The following CACNA1H variants were observed in gnomAD, a reference collection of about 807,000 sequenced individuals.
CACNA1H encodes calcium voltage-gated channel subunit alpha1 H, also known as voltage-dependent T-type calcium channel subunit alpha-1H.
Under a neutral mutation model 192.5 loss-of-function variants are expected in CACNA1H, and 149 were observed. The ratio of observed to expected loss-of-function variants is 0.77; its 90% confidence interval spans 0.68 to 0.89. CACNA1H has a LOEUF of 0.89. Among genes scored for constraint, CACNA1H ranks in the 40% least tolerant of loss-of-function variants. CACNA1H has a pLI of 0.00. For synonymous variants in CACNA1H, 2,202 were observed against 1,475.2 expected (o/e 1.49, Z -11.29); for missense variants, 4,257 against 3,423.5 (o/e 1.24, Z -6.08).
At chr16:1,174,322 A>G (rs1964654325) in intron 2 of CACNA1H, among the ~76,000 whole-genome samples, 2 of 152,088 alleles carry the variant, frequency 1.3e-5, no homozygotes, top group South Asian at 4.2e-4. Context: ...CCTTGGTGGG[A>G]GCTAGACCCC....
chr16:1,182,717 G>A (rs1407948580), intron 2 of CACNA1H, among the ~76,000 whole-genome samples: 2 of 152,158 alleles, frequency 1.3e-5, no homozygotes, highest in Admixed American at 1.3e-4. Flanking sequence ...GCTGGGAGAG[G>A]CCAGGGTTGA....
At chr16:1,215,150 G>T (rs1398835481) in intron 28 of CACNA1H, 69 bp downstream of exon 28, 1 of 1,580,898 alleles carries the variant, frequency 6.3e-7, no homozygotes, top group Non-Finnish European at 8.6e-7. Flanking sequence ...GGCAGGTGAG[G>T]CCGCAGGCTT....
chr16:1,176,479 A>G (rs528702254), intron 2 of CACNA1H, among the ~76,000 whole-genome samples: 9 of 152,328 alleles, frequency 5.9e-5, no homozygotes, highest in Non-Finnish European at 1.0e-4. Flanking sequence ...GCAGGTGGGC[A>G]TGGCAATGAC....
chr16:1,212,281 C>T (rs1969543595), intron 25 of CACNA1H, 143 bp downstream of exon 25: 1 of 1,314,826 alleles, frequency 7.6e-7, no homozygotes, highest in South Asian at 1.5e-5. Context: ...GGGGGCTGGG[C>T]CTTGGAGGGG....
chr16:1,186,136 G>A lies in CACNA1H; in HGVS notation c.300-8836G>A, dbSNP rs1245584900. Among the ~76,000 whole-genome samples, 2 of 146,672 alleles carry A rather than the reference G, an allele frequency of 1.4e-5. 1 individual carries two copies. The highest frequency in any genetic ancestry group is 3.0e-5 in the Non-Finnish European group (2 of 65,988). On this transcript the variant is annotated intron_variant, in intron 2 of 34. Transcript: ENST00000348261. Reference sequence around the variant, plus strand: ...TAGGGGCCGGAGGCGGGGTGTGTACGGGGCGGGTGACTAGACGGTCGGCGT... The same window carrying A: ...TAGGGGCCGGAGGCGGGGTGTGTACAGGGCGGGTGACTAGACGGTCGGCGT...
intron 11 of CACNA1H, among the ~76,000 whole-genome samples, 158 bp downstream of exon 11, chr16:1,205,423 C>T (rs1000002590): frequency 6.6e-6 from 1 of 152,122 alleles, no homozygotes; most frequent in African/African-American, 2.4e-5. Context: ...CCCCAGTGGC[C>T]CAAGGGACCG....
intron 2 of CACNA1H, among the ~76,000 whole-genome samples, chr16:1,192,053 CTG>C (rs1429276142): frequency 6.6e-6 from 1 of 152,224 alleles, no homozygotes; most frequent in African/African-American, 2.4e-5. Context: ...TGGTCTTCTG[CTG>C]TGTGTGTGAT....
intron 2 of CACNA1H, among the ~76,000 whole-genome samples, chr16:1,184,947 G>A (rs1965836230): frequency 6.6e-6 from 1 of 152,144 alleles, no homozygotes; most frequent in East Asian, 1.9e-4. Context: ...AAGCGCACGG[G>A]TTAGCGACCT....
chr16:1,176,219 G>T (rs867289227), intron 2 of CACNA1H, among the ~76,000 whole-genome samples: 3 of 152,206 alleles, frequency 2.0e-5, no homozygotes, highest in South Asian at 2.1e-4. Flanking sequence ...GTTTGTGCTG[G>T]AGCTGCCCTG....
At chr16:1,171,590 C>T (rs1002591298) in intron 2 of CACNA1H, among the ~76,000 whole-genome samples, 1 of 152,228 alleles carries the variant, frequency 6.6e-6, no homozygotes, top group African/African-American at 2.4e-5. Context: ...CCAGAGGCGC[C>T]TCAGGCGGCT....
At position 1,209,085 on chromosome 16, in the gene CACNA1H, C is replaced by G. The variant is rs1244033672; in HGVS notation, c.3417C>G (p.Ser1139Arg). The G allele has an allele frequency of 6.5e-7, 1 of 1,544,212 alleles. No individual in the cohort carries two copies. Among genetic ancestry groups the G allele is most frequent in the East Asian group, 2.4e-5 (1 of 41,542 alleles). Residue 1139 changes from serine to arginine, a missense_variant, in exon 17 of 35, where the codon AGC becomes AGG. Coordinates refer to ENST00000348261, the MANE Select transcript of CACNA1H (RefSeq NM_021098.3). ...CCTGGGGCCCCAGTGGCGCCTGGAG[C>G]AGCCGGCGCTCCAGCTGGAGCAGCC... is the stretch of plus-strand genomic sequence containing the variant. ...CAPWGPSGAW[S>R]SRRSSWSSLG...
chr16:1,204,658 T>A (rs986233538), intron 10 of CACNA1H, among the ~76,000 whole-genome samples, 200 bp downstream of exon 10: 2 of 152,026 alleles, frequency 1.3e-5, no homozygotes, highest in African/African-American at 2.4e-5. Flanking sequence ...ATTCCTGGCC[T>A]CCTCTCTAGA....
rs1039737101 is a variant in CACNA1H at position 1,158,271 on chromosome 16, CAG to C, written c.299+4236_299+4237del. On this transcript the variant is annotated intron_variant, in intron 2 of 34. Coordinates refer to ENST00000348261, the MANE Select transcript of CACNA1H (RefSeq NM_021098.3). ...CTGAGACTGGGAGCGTTGCAGGGCT[CAG>C]GGGGAGGGGCCTTCCCACTCACCAA... 7.2e-5 allele frequency among the ~76,000 whole-genome samples: 11 copies of C among 152,250 alleles called. No individual in the cohort carries two copies. In the East Asian group the frequency reaches 1.7e-3, roughly 24 times the overall value.
intron 2 of CACNA1H, among the ~76,000 whole-genome samples, chr16:1,154,688 G>A (rs532070088): frequency 3.9e-4 from 60 of 152,300 alleles, no homozygotes; most frequent in Non-Finnish European, 7.4e-4. Context: ...CACTGCCAAG[G>A]GGGAGTCTCA....
intron 6 of CACNA1H, chr16:1,199,018 A>G (rs1287655829): frequency 4.7e-5 from 21 of 449,488 alleles, no homozygotes; most frequent in Admixed American, 1.7e-4. Flanking sequence ...GTCGCTGCAC[A>G]TATGCCCCAC....
At position 1,218,242 on chromosome 16, in the gene CACNA1H, G is replaced by T; in HGVS notation, c.5478G>T (p.Lys1826Asn). 6.4e-7 allele frequency: 1 copy of T among 1,550,494 alleles called. No individual in the cohort carries two copies. Among genetic ancestry groups the T allele is most frequent in the Non-Finnish European group, 8.7e-7 (1 of 1,147,128 alleles). ...TGCGCGAGTGCTCCCGTGAGGACAA[G>T]CACTGCCTGAGCTACCTGCCGGCCC... The part of the protein sequence containing the change: ...DTLRECSRED[K>N]HCLSYLPALS... Residue 1826 changes from lysine (K) to asparagine (N), a missense_variant, in exon 33 of 35, where the codon AAG (lysine) becomes AAT (asparagine). Coordinates refer to ENST00000348261, the MANE Select transcript of CACNA1H (RefSeq NM_021098.3).
At chr16:1,171,747 G>A (rs984846879) in intron 2 of CACNA1H, among the ~76,000 whole-genome samples, 2 of 152,076 alleles carry the variant, frequency 1.3e-5, no homozygotes, top group African/African-American at 4.8e-5. Context: ...GGAGCTCTGG[G>A]CAGCCTCCCA....
chr16:1,210,474 A>G lies in CACNA1H; in HGVS notation c.3950A>G (p.Asp1317Gly), dbSNP rs1249879718. 11 of 1,611,994 alleles carry G rather than the reference A, an allele frequency of 6.8e-6. No homozygotes were observed. The Admixed American group carries it at 1.5e-4, about 22-fold the overall frequency. Residue 1317 changes from aspartate to glycine, a missense_variant, in exon 19 of 35, where the codon GAC becomes GGC. Coordinates refer to ENST00000348261, the MANE Select transcript of CACNA1H (RefSeq NM_021098.3). ...NCVTIALERP[D>G]IDPGSTERVF... is the part of the protein sequence containing the mutation. ...GTCACCATCGCCCTGGAGAGGCCTG[A>G]CATTGATCCCGGCAGCACCGTGAGT...
Position 1,206,127 on chromosome 16 carries a change from C to T in CACNA1H, c.2627C>T (p.Ala876Val), listed in dbSNP as rs770827490. 5.7e-6 allele frequency: 9 copies of T among 1,583,424 alleles called. No individual in the cohort carries two copies. The highest frequency in any genetic ancestry group is 4.6e-5 in the South Asian group (4 of 86,364). ...AGCGTCTGGGAGATCGTGGGGCAGG[C>T]GGACGGTGGCTTGTCTGTGCTGCGC... is the stretch of plus-strand genomic sequence containing the variant. ...VISVWEIVGQ[A>V]DGGLSVLRTF... Residue 876 changes from alanine to valine, a missense_variant, in exon 12 of 35, where the codon GCG becomes GTG. Physicochemically the swap from Ala to Val is moderately conservative, Grantham distance 64. Transcript: ENST00000348261.
Sources: gnomAD v4.1 joint callset for allele counts (sites outside exome capture counted in the v4.1 genomes callset) on GRCh38, gnomAD v4.1.1 for gene constraint, MANE v1.5 for transcripts, NCBI Gene and HGNC (gene_info 2026-07-23, HGNC 2026-07-21) for gene names.